CPQ: variants seen among roughly 807,000 people sequenced by gnomAD.
The protein encoded by CPQ is Ser-Met dipeptidase.
CPQ carries 37 observed loss-of-function variants against 45.7 expected under a neutral mutation model. That is an observed-to-expected ratio of 0.81 (90% CI 0.62 to 1.07). The LOEUF (loss-of-function observed/expected upper bound fraction) is 1.07, where lower values mean the gene tolerates loss of function less well. CPQ is among the 50% of genes least tolerant of loss of function. The probability of loss-of-function intolerance (pLI) is 0.00; values close to 1 mark genes in which losing one functional copy is unlikely to be tolerated. For synonymous variants in CPQ, 186 were observed against 205.8 expected (o/e 0.90, Z 0.82); for missense variants, 537 against 572.9 (o/e 0.94, Z 0.64).
rs1810753168 is a variant in CPQ at position 96,785,308 on chromosome 8, C to T, written c.411C>T (p.Ser137=). ...AGATAGCCATCCTGGGTCTTGGCAG[C>T]AGCATTGGGACTCCTCCAGAAGGTA... ...IHKIAILGLG[S]SIGTPPEGIT... The change falls in exon 2 of 8, where the codon AGC becomes AGT. Residue 137 remains serine (S), a synonymous_variant. Transcript: ENST00000220763. 1 of 1,609,352 alleles carries T rather than the reference C, an allele frequency of 6.2e-7. No individual in the cohort carries two copies. The highest frequency in any genetic ancestry group is 8.5e-7 in the Non-Finnish European group (1 of 1,177,204).
chr8:97,123,298 G>C (rs1361558628), intron 7 of CPQ, among the ~76,000 whole-genome samples: 1 of 146,882 alleles, frequency 6.8e-6, no homozygotes, highest in African/African-American at 2.5e-5. Context: ...AGGCATTTTG[G>C]TTTTTAAAAT....
Position 97,100,656 on chromosome 8 carries a change from T to C in CPQ, c.1255+34446T>C, listed in dbSNP as rs138347379. ...TACATAGAACATATATTTTTAAAAT[T>C]CAAGAAGAATTTATAGGTTAAAAAT... On this transcript the variant is annotated intron_variant, in intron 7 of 7. Coordinates refer to ENST00000220763, the MANE Select transcript of CPQ (RefSeq NM_016134.4). 8.1e-3 allele frequency among the ~76,000 whole-genome samples: 1,226 copies of C among 152,280 alleles called. 19 individuals are homozygous for C. Among genetic ancestry groups the C allele is most frequent in the Non-Finnish European group, 0.011 (742 of 68,014 alleles).
At chr8:97,026,445 C>T (rs540234238) in intron 5 of CPQ, among the ~76,000 whole-genome samples, 4 of 152,252 alleles carry the variant, frequency 2.6e-5, no homozygotes, top group East Asian at 1.9e-4. Context: ...TACCCTACAC[C>T]GTCCATCATG....
intron 7 of CPQ, among the ~76,000 whole-genome samples, chr8:97,085,839 A>T (rs1156665848): frequency 6.6e-6 from 1 of 152,214 alleles, no homozygotes; most frequent in Non-Finnish European, 1.5e-5. Flanking sequence ...TTTCATCCAC[A>T]GTGGTTAATG....
chr8:96,853,811 C>T (rs896732063), intron 3 of CPQ, among the ~76,000 whole-genome samples: 69 of 152,192 alleles, frequency 4.5e-4, no homozygotes, highest in African/African-American at 1.6e-3. Context: ...TAATTTTCTA[C>T]TAAATTATGC....
chr8:97,080,383 G>C (rs1810924711), intron 7 of CPQ, among the ~76,000 whole-genome samples: 1 of 152,076 alleles, frequency 6.6e-6, no homozygotes, highest in African/African-American at 2.4e-5. Flanking sequence ...TTTCTTATAA[G>C]AGCTTTGCTA....
chr8:96,685,940 ATTTTTCTAG>A (rs1368360191), intron 1 of CPQ, among the ~76,000 whole-genome samples: 1 of 151,926 alleles, frequency 6.6e-6, no homozygotes, highest in East Asian at 1.9e-4. Context: ...CTTGTTATAC[ATTTTTCTAG>A]TTACTCTATA....
intron 4 of CPQ, among the ~76,000 whole-genome samples, chr8:96,901,776 A>G (rs1021321389): frequency 6.6e-6 from 1 of 152,152 alleles, no homozygotes; most frequent in African/African-American, 2.4e-5. Flanking sequence ...TTTTTCATCA[A>G]CACTTTCCTA....
chr8:96,833,218 G>A (rs1036675921), intron 2 of CPQ, among the ~76,000 whole-genome samples: 1 of 152,142 alleles, frequency 6.6e-6, no homozygotes, highest in African/African-American at 2.4e-5. Context: ...ACCTGTAGCT[G>A]CTACTAGTGA....
chr8:96,955,207 C>A (rs1322504357), intron 4 of CPQ, among the ~76,000 whole-genome samples: 2 of 152,144 alleles, frequency 1.3e-5, no homozygotes, highest in Admixed American at 1.3e-4. Context: ...AGTTTACAGT[C>A]CCACCAACAG....
chr8:96,955,248 C>T (rs1250464980), intron 4 of CPQ, among the ~76,000 whole-genome samples: 1 of 152,184 alleles, frequency 6.6e-6, no homozygotes, highest in Non-Finnish European at 1.5e-5. Flanking sequence ...TCCACATCCT[C>T]TCCAGAACCT....
In CPQ at chr8:97,028,282, G is replaced by A. The variant is rs147366191; in HGVS notation, c.962-1121G>A. Among the ~76,000 whole-genome samples, 768 of 152,328 alleles carry A rather than the reference G, an allele frequency of 5.0e-3. 12 individuals are homozygous for A. Among genetic ancestry groups the A allele is most frequent in the African/African-American group, 0.016 (668 of 41,578 alleles). On this transcript the variant is annotated intron_variant, in intron 5 of 7. Coordinates refer to ENST00000220763, the MANE Select transcript of CPQ (RefSeq NM_016134.4). ...AGAGTGCCTCTTGGAGCCTGGAAGA[G>A]GCAGGAGAGAGCTCTGTGTCCCAGA...
At chr8:96,756,603 T>C (rs559319126) in intron 1 of CPQ, among the ~76,000 whole-genome samples, 1 of 152,256 alleles carries the variant, frequency 6.6e-6, no homozygotes, top group East Asian at 1.9e-4. Flanking sequence ...ATTAAATGGA[T>C]TTTCTCTTTC....
rs150083243 is a variant in CPQ, at chr8:96,718,152, C to T, written c.-34-66712C>T. ...GTGGCTTCAGCCCACTTCCCACTCACCCCTCAGTTCTGGCCAAGGGAGTTC... is the reference window on the plus strand; with the variant it reads ...GTGGCTTCAGCCCACTTCCCACTCATCCCTCAGTTCTGGCCAAGGGAGTTC... On this transcript the variant is annotated intron_variant, in intron 1 of 7. Coordinates refer to ENST00000220763, the MANE Select transcript of CPQ (RefSeq NM_016134.4). Among the ~76,000 whole-genome samples the T allele has an allele frequency of 8.3e-3, 1,258 of 152,270 alleles. 22 individuals are homozygous for T. Among genetic ancestry groups the T allele is most frequent in the African/African-American group, 0.028 (1,162 of 41,540 alleles).
chr8:96,720,989 G>C (rs1809755481), intron 1 of CPQ, among the ~76,000 whole-genome samples: 1 of 151,634 alleles, frequency 6.6e-6, no homozygotes, highest in African/African-American at 2.4e-5. Context: ...GGCTGTGCCA[G>C]AATGCCAGTA....
chr8:97,026,505 T>A (rs1809800956), intron 5 of CPQ, among the ~76,000 whole-genome samples: 2 of 152,206 alleles, frequency 1.3e-5, no homozygotes, highest in South Asian at 2.1e-4. Context: ...TAAGGTCTAA[T>A]TCTTGAATGA....
intron 3 of CPQ, among the ~76,000 whole-genome samples, chr8:96,855,836 T>C (rs1811841168): frequency 6.6e-6 from 1 of 152,166 alleles, no homozygotes. Flanking sequence ...GAAGTTACAC[T>C]AGATACACCC....
intron 7 of CPQ, among the ~76,000 whole-genome samples, chr8:97,089,433 C>G (rs1013864452): frequency 1.3e-5 from 2 of 152,082 alleles, no homozygotes; most frequent in African/African-American, 4.8e-5. Flanking sequence ...CATAGTCTCC[C>G]CTTCGAGACC....
rs1191610669 is a variant in CPQ, at chr8:96,666,388, A to G, written c.-35+20986A>G. ...CCCTGGATGCCAGAACATTAAGAATACAGAAAATAAGAGAATATAGTTAAT... is the reference window on the plus strand; with the variant it reads ...CCCTGGATGCCAGAACATTAAGAATGCAGAAAATAAGAGAATATAGTTAAT... On this transcript the variant is annotated intron_variant, in intron 1 of 7. Coordinates refer to ENST00000220763, the MANE Select transcript of CPQ (RefSeq NM_016134.4). Among the ~76,000 whole-genome samples, 4 of 152,316 alleles carry G rather than the reference A, an allele frequency of 2.6e-5. No homozygotes were observed. The East Asian group carries it at 7.7e-4, about 29-fold the overall frequency.
Sources: gnomAD v4.1 joint callset for allele counts (sites outside exome capture counted in the v4.1 genomes callset) on GRCh38, gnomAD v4.1.1 for gene constraint, MANE v1.5 for transcripts, NCBI Gene and HGNC (gene_info 2026-07-23, HGNC 2026-07-21) for gene names.